PEPD: variants seen among roughly 807,000 people sequenced by gnomAD.
PEPD encodes peptidase D, also known as xaa-Pro dipeptidase.
Under a neutral mutation model 60.7 loss-of-function variants are expected in PEPD, and 53 were observed. The observed-to-expected ratio is 0.87, with a 90% CI of 0.70 to 1.10. The LOEUF (loss-of-function observed/expected upper bound fraction) is 1.10, where lower values mean the gene tolerates loss of function less well. Ranked by LOEUF, PEPD falls within the 50% of genes least tolerant of loss-of-function variation. The pLI, the probability that PEPD is intolerant of heterozygous loss-of-function variation, is 0.00. For synonymous variants in PEPD, 267 were observed against 284.1 expected (o/e 0.94, Z 0.60); for missense variants, 711 against 711.9 (o/e 1.00, Z 0.01).
intron 3 of PEPD, among the ~76,000 whole-genome samples, chr19:33,503,528 A>G (rs1318067937): frequency 6.6e-6 from 1 of 152,152 alleles, no homozygotes; most frequent in Non-Finnish European, 1.5e-5. Context: ...CCCCAGACGC[A>G]GGGCTTATTG....
chr19:33,473,089 C>A (rs1970154213), intron 7 of PEPD, among the ~76,000 whole-genome samples: 1 of 152,166 alleles, frequency 6.6e-6, no homozygotes. Context: ...GGGCAGAGGT[C>A]CACCTCCACG....
chr19:33,454,275 T>C (rs1969755124), intron 9 of PEPD, among the ~76,000 whole-genome samples: 1 of 152,080 alleles, frequency 6.6e-6, no homozygotes, highest in Non-Finnish European at 1.5e-5. Context: ...GATTATAAAG[T>C]ATAAAATAAA....
intron 9 of PEPD, among the ~76,000 whole-genome samples, chr19:33,451,181 C>A (rs964229413): frequency 2.0e-5 from 3 of 152,252 alleles, no homozygotes; most frequent in Non-Finnish European, 2.9e-5. Context: ...TCTTCCTACC[C>A]TACTACTGGC....
intron 7 of PEPD, among the ~76,000 whole-genome samples, chr19:33,466,292 A>G (rs2145277299): frequency 6.6e-6 from 1 of 152,380 alleles, no homozygotes; most frequent in Middle Eastern, 3.4e-3. Context: ...GGCTGCATTT[A>G]TTCACATGGT....
chr19:33,458,574 C>T (rs913824932), intron 9 of PEPD, among the ~76,000 whole-genome samples: 6 of 44,458 alleles, frequency 1.3e-4, no homozygotes, highest in Non-Finnish European at 2.6e-4. Flanking sequence ...GTATGTGGAA[C>T]GAGTGTGGTG....
chr19:33,496,939 C>A (rs1315861460), intron 4 of PEPD, among the ~76,000 whole-genome samples: 1 of 152,256 alleles, frequency 6.6e-6, no homozygotes, highest in African/African-American at 2.4e-5. Context: ...GCTGGATATG[C>A]CTTTGCCAGC....
rs1253456735 is a variant in PEPD at position 33,460,978 on chromosome 19, G to A, written c.671+2017C>T. On this transcript the variant is annotated intron_variant, in intron 9 of 14. Transcript: ENST00000244137. ...ACACCCTGCTTCCAACAGCAGCCAAGTACAACATGTGGACTCTGTGTGGAT... is the reference window on the plus strand; with the variant it reads ...ACACCCTGCTTCCAACAGCAGCCAAATACAACATGTGGACTCTGTGTGGAT... Among the ~76,000 whole-genome samples, 3 of 152,304 alleles carry A rather than the reference G, an allele frequency of 2.0e-5. No individual in the cohort carries two copies. The East Asian group carries it at 5.8e-4, about 29-fold the overall frequency.
chr19:33,498,844 G>T (rs147520362), intron 4 of PEPD, among the ~76,000 whole-genome samples: 2,195 of 145,500 alleles, frequency 0.015, 22 homozygotes, highest in Non-Finnish European at 0.022. Flanking sequence ...TCAGGTGCCC[G>T]TTCCACCAGG....
intron 1 of PEPD, 66 bp downstream of exon 1, chr19:33,521,678 T>C: frequency 5.9e-6 from 9 of 1,514,998 alleles, no homozygotes; most frequent in Non-Finnish European, 8.0e-6. Context: ...TCACCCGCGG[T>C]CCGGCCGGGA....
intron 11 of PEPD, among the ~76,000 whole-genome samples, chr19:33,408,628 T>C (rs1968694940): frequency 6.6e-6 from 1 of 152,212 alleles, no homozygotes; most frequent in South Asian, 2.1e-4. Context: ...ATCCCATTCC[T>C]AGAAGCTAAA....
chr19:33,433,496 A>G (rs542305316), intron 9 of PEPD, among the ~76,000 whole-genome samples: 3 of 152,188 alleles, frequency 2.0e-5, no homozygotes, highest in South Asian at 4.1e-4. Context: ...TACCTATTTC[A>G]GTGGCTATGA....
intron 9 of PEPD, among the ~76,000 whole-genome samples, chr19:33,418,196 T>C (rs1474777011): frequency 6.6e-6 from 1 of 152,356 alleles, no homozygotes; most frequent in East Asian, 1.9e-4. Context: ...GTCTCAGCAC[T>C]AAGTTGCTTA....
In PEPD at chr19:33,411,586, C is replaced by G. The variant is rs1600094116; in HGVS notation, c.818+86G>C. 3 of 770,838 alleles carry G rather than the reference C, an allele frequency of 3.9e-6. No individual in the cohort carries two copies. The East Asian group carries it at 7.8e-5, about 20-fold the overall frequency. The allele number at this position is 770,838 out of a possible 1,614,324, so 47.7% of individuals were successfully genotyped here. A position where few individuals can be genotyped will look rare whatever the true frequency, so the allele number is the denominator to read the frequency against. On this transcript the variant is annotated intron_variant, in intron 11 of 14. Transcript: ENST00000244137. The stretch of plus-strand genomic sequence containing the variant: ...TGGTCAGCCCTCTCAGGACAGGGAC[C>G]CAGAGGCTTCTGGGCCATCTTGAAG...
chr19:33,400,153 T>C (rs916715466), intron 12 of PEPD, among the ~76,000 whole-genome samples: 1 of 152,064 alleles, frequency 6.6e-6, no homozygotes, highest in South Asian at 2.1e-4. Context: ...GAGGTCTGTA[T>C]AGCTGTGGGT....
chr19:33,513,971 A>C (rs1970981013), intron 1 of PEPD, among the ~76,000 whole-genome samples: 1 of 57,266 alleles, frequency 1.7e-5, no homozygotes, highest in Admixed American at 2.0e-4. Flanking sequence ...GTGTCTCTCT[A>C]GAGCCCCCAT....
intron 9 of PEPD, among the ~76,000 whole-genome samples, chr19:33,453,316 A>AAAAAAAAAAAAT (rs1428015206): frequency 1.9e-4 from 28 of 149,750 alleles, no homozygotes; most frequent in Non-Finnish European, 3.8e-4. Flanking sequence ...ACTGTCATAA[A>AAAAAAAAAAAAT]AAAATAAATA....
chr19:33,517,160 G>T (rs1179577347), intron 1 of PEPD, among the ~76,000 whole-genome samples: 1 of 152,132 alleles, frequency 6.6e-6, no homozygotes, highest in African/African-American at 2.4e-5. Context: ...CAGCCTGGGG[G>T]ACAGGGCGAG....
chr19:33,502,181 G>A (rs1296073895), intron 3 of PEPD, among the ~76,000 whole-genome samples: 1 of 152,194 alleles, frequency 6.6e-6, no homozygotes, highest in African/African-American at 2.4e-5. Flanking sequence ...CAAGTCCAAT[G>A]ACGCACACAT....
intron 4 of PEPD, among the ~76,000 whole-genome samples, chr19:33,495,905 T>C (rs1970593545): frequency 6.6e-6 from 1 of 151,972 alleles, no homozygotes. Context: ...CGCTTGAACC[T>C]GGGAGGCAGA....
Sources: gnomAD v4.1 joint callset for allele counts (sites outside exome capture counted in the v4.1 genomes callset) on GRCh38, gnomAD v4.1.1 for gene constraint, MANE v1.5 for transcripts, NCBI Gene and HGNC (gene_info 2026-07-23, HGNC 2026-07-21) for gene names.